The following SDK1 variants were observed in gnomAD, a reference collection of about 807,000 sequenced individuals.
SDK1 encodes the protein protein sidekick-1.
In SDK1, 157 loss-of-function variants were observed where a neutral mutation model predicts 245.5. That is an observed-to-expected ratio of 0.64 (90% confidence interval 0.56 to 0.73). The LOEUF (loss-of-function observed/expected upper bound fraction) is 0.73. Ranked by LOEUF, SDK1 falls within the 30% of genes least tolerant of loss-of-function variation. The pLI, the probability that SDK1 is intolerant of heterozygous loss-of-function variation, is 0.00. For missense variants in SDK1, 3,583 were observed against 3,002.3 expected (o/e 1.19, Z -4.52); for synonymous variants, 1,647 against 1,278.5 (o/e 1.29, Z -6.15).
chr7:3,747,387 T>G (rs568895301), intron 4 of SDK1, among the ~76,000 whole-genome samples: 2 of 152,014 alleles, frequency 1.3e-5, no homozygotes, highest in African/African-American at 4.9e-5. Flanking sequence ...GCAATATTTA[T>G]TGAAGGCATT....
intron 40 of SDK1, among the ~76,000 whole-genome samples, chr7:4,229,165 T>A (rs1472358607): frequency 6.6e-6 from 1 of 152,214 alleles, no homozygotes; most frequent in Non-Finnish European, 1.5e-5. Context: ...TTTAACAGCA[T>A]AATACAAATG....
chr7:3,756,865 A>G (rs976140787), intron 4 of SDK1, among the ~76,000 whole-genome samples: 1 of 152,112 alleles, frequency 6.6e-6, no homozygotes, highest in African/African-American at 2.4e-5. Context: ...TTTTGATGAT[A>G]TCATATCGGG....
intron 13 of SDK1, among the ~76,000 whole-genome samples, chr7:3,975,154 C>A (rs1340124043): frequency 6.6e-6 from 1 of 152,246 alleles, no homozygotes; most frequent in Non-Finnish European, 1.5e-5. Context: ...TCCCTCCACT[C>A]CCCTCTCTAT....
chr7:3,756,917 C>G (rs894139608), intron 4 of SDK1, among the ~76,000 whole-genome samples: 3 of 152,276 alleles, frequency 2.0e-5, no homozygotes, highest in African/African-American at 7.2e-5. Flanking sequence ...CGATGCGAAC[C>G]TTGACCCTTT....
intron 12 of SDK1, among the ~76,000 whole-genome samples, chr7:3,973,877 A>G (rs1782679421): frequency 6.6e-6 from 1 of 152,156 alleles, no homozygotes; most frequent in Admixed American, 6.5e-5. Flanking sequence ...TTTAATTCAT[A>G]TGCCATAAAA....
At chr7:3,680,584 A>G (rs988811608) in intron 4 of SDK1, among the ~76,000 whole-genome samples, 1 of 152,216 alleles carries the variant, frequency 6.6e-6, no homozygotes, top group Admixed American at 6.5e-5. Context: ...TTAGATGAAG[A>G]GTACATAAGA....
At chr7:4,042,090 G>T (rs1395632838) in intron 17 of SDK1, among the ~76,000 whole-genome samples, 1 of 136,548 alleles carries the variant, frequency 7.3e-6, no homozygotes. Context: ...GGGATTACAG[G>T]CATGAACCAC....
At chr7:3,787,194 A>G (rs1006646930) in intron 4 of SDK1, among the ~76,000 whole-genome samples, 9 of 149,820 alleles carry the variant, frequency 6.0e-5, no homozygotes, top group Non-Finnish European at 1.0e-4. Context: ...ACACTCCCAT[A>G]CAGAAAACTT....
intron 19 of SDK1, among the ~76,000 whole-genome samples, chr7:4,063,423 C>A (rs1359039448): frequency 1.3e-5 from 2 of 151,688 alleles, no homozygotes; most frequent in Non-Finnish European, 2.9e-5. Flanking sequence ...AAGAAAAATA[C>A]AAAACATTGA....
intron 1 of SDK1, among the ~76,000 whole-genome samples, chr7:3,595,205 A>G (rs1007861015): frequency 1.1e-4 from 16 of 149,254 alleles, no homozygotes; most frequent in African/African-American, 3.0e-4. Flanking sequence ...TTTTTCTGCC[A>G]TATTGGTGAC....
intron 1 of SDK1, among the ~76,000 whole-genome samples, chr7:3,407,856 G>A (rs1322932836): frequency 1.3e-5 from 2 of 152,134 alleles, no homozygotes; most frequent in Non-Finnish European, 2.9e-5. Context: ...CACTTACTGA[G>A]TGACTAGCAC....
At chr7:3,739,869 A>C (rs372258877) in intron 4 of SDK1, among the ~76,000 whole-genome samples, 1 of 152,194 alleles carries the variant, frequency 6.6e-6, no homozygotes, top group South Asian at 2.1e-4. Flanking sequence ...TGAATGATAT[A>C]ATATGGCAAT....
chr7:3,936,818 C>G (rs1000503416), intron 5 of SDK1, among the ~76,000 whole-genome samples: 1 of 152,036 alleles, frequency 6.6e-6, no homozygotes, highest in Non-Finnish European at 1.5e-5. Flanking sequence ...TCCTCTGGGC[C>G]CTGCTGGATG....
chr7:4,216,002 C>T (rs1784774990), intron 38 of SDK1, among the ~76,000 whole-genome samples: 1 of 152,178 alleles, frequency 6.6e-6, no homozygotes, highest in Non-Finnish European at 1.5e-5. Context: ...CCCGTTCCTG[C>T]ATTCTCTCTT....
intron 35 of SDK1, among the ~76,000 whole-genome samples, chr7:4,183,759 A>G (rs1336510023): frequency 2.0e-5 from 3 of 152,060 alleles, no homozygotes; most frequent in African/African-American, 7.2e-5. Flanking sequence ...CCCCCAAACG[A>G]GGAGGGGGAT....
intron 20 of SDK1, among the ~76,000 whole-genome samples, chr7:4,069,188 A>G (rs1201982644): frequency 6.6e-6 from 1 of 152,146 alleles, no homozygotes. Context: ...GCCTCAGCAG[A>G]CCTCTGGGAT....
chr7:3,692,972 T>C (rs766504748), intron 4 of SDK1, among the ~76,000 whole-genome samples: 7 of 152,038 alleles, frequency 4.6e-5, no homozygotes, highest in Non-Finnish European at 8.8e-5. Context: ...GTATTTCACG[T>C]GTGTACCTGT....
At chr7:3,604,810 C>G (rs999690841) in intron 1 of SDK1, among the ~76,000 whole-genome samples, 3 of 151,882 alleles carry the variant, frequency 2.0e-5, no homozygotes, top group Admixed American at 6.6e-5. Context: ...CCATGTTGGT[C>G]AGGCTGGTCT....
chr7:4,043,642 C>G (rs1205250967), intron 17 of SDK1, among the ~76,000 whole-genome samples: 1 of 152,222 alleles, frequency 6.6e-6, no homozygotes, highest in African/African-American at 2.4e-5. Flanking sequence ...CAGAACTTGA[C>G]GTGAGGATTG....
Sources: gnomAD v4.1 joint callset for allele counts (sites outside exome capture counted in the v4.1 genomes callset) on GRCh38, gnomAD v4.1.1 for gene constraint, MANE v1.5 for transcripts, NCBI Gene and HGNC (gene_info 2026-07-23, HGNC 2026-07-21) for gene names.